Variants in LANCL3 observed in about 807,000 individuals in gnomAD.
The protein encoded by LANCL3 is lanC-like protein 3.
Under a neutral mutation model 26.5 loss-of-function variants are expected in LANCL3, and 19 were observed. The observed-to-expected ratio is 0.72, with a 90% CI of 0.50 to 1.05. LANCL3 has a LOEUF of 1.05. Ranked by LOEUF, LANCL3 falls within the 50% of genes least tolerant of loss-of-function variation. LANCL3 has a pLI of 0.00. For synonymous variants in LANCL3, 160 were observed against 166.6 expected (o/e 0.96, Z 0.30); for missense variants, 318 against 362.7 (o/e 0.88, Z 1.00).
chrX:37,662,334 A>G (rs1926442130), intron 3 of LANCL3, among the ~76,000 whole-genome samples: 1 of 112,691 alleles, frequency 8.9e-6, no homozygotes, highest in South Asian at 3.7e-4. Context: ...GCATTAGGTT[A>G]CATCATTGCT....
At chrX:37,669,095 A>T (rs191156142) in intron 4 of LANCL3, among the ~76,000 whole-genome samples, 17 of 112,341 alleles carry the variant, frequency 1.5e-4, no homozygotes, top group Non-Finnish European at 1.1e-4. Flanking sequence ...TTTATGTGTA[A>T]ATGTATGTTC....
At chrX:37,628,571 A>C (rs1257913710) in intron 1 of LANCL3, among the ~76,000 whole-genome samples, 2 of 99,676 alleles carry the variant, frequency 2.0e-5, no homozygotes, top group African/African-American at 7.3e-5. Flanking sequence ...AGCATTAGGT[A>C]TATCTCCTAA....
At chrX:37,670,364 T>G (rs1367293909) in intron 4 of LANCL3, among the ~76,000 whole-genome samples, 1 of 111,802 alleles carries the variant, frequency 8.9e-6, no homozygotes, top group Non-Finnish European at 1.9e-5. Context: ...GTTTTCAATC[T>G]TTTCTTTAAA....
intron 1 of LANCL3, among the ~76,000 whole-genome samples, chrX:37,588,496 A>T (rs1357482704): frequency 2.7e-5 from 3 of 111,798 alleles, no homozygotes; most frequent in Non-Finnish European, 1.9e-5. Context: ...TGCACACATC[A>T]CTAAACTCTT....
At chrX:37,616,782 A>T (rs1208861342) in intron 1 of LANCL3, among the ~76,000 whole-genome samples, 1 of 111,641 alleles carries the variant, frequency 9.0e-6, no homozygotes, top group Non-Finnish European at 1.9e-5. Context: ...AGTTTCTTAG[A>T]GTAGTGTTTT....
intron 3 of LANCL3, among the ~76,000 whole-genome samples, chrX:37,660,465 A>G (rs1470512168): frequency 8.9e-6 from 1 of 111,965 alleles, no homozygotes; most frequent in Non-Finnish European, 1.9e-5. Context: ...AGCAAACCCT[A>G]TCTTTTTCCC....
chrX:37,602,125 A>G (rs192078362), intron 1 of LANCL3, among the ~76,000 whole-genome samples: 131 of 111,921 alleles, frequency 1.2e-3, no homozygotes, highest in African/African-American at 4.1e-3. Flanking sequence ...GTATTTTGAC[A>G]TCCAAACTCC....
intron 1 of LANCL3, among the ~76,000 whole-genome samples, chrX:37,632,401 T>G (rs1416865907): frequency 2.7e-5 from 3 of 111,757 alleles, no homozygotes; most frequent in African/African-American, 6.5e-5. Context: ...TCTTGACTCT[T>G]TATCCAATTT....
At chrX:37,628,843 A>G (rs1254222508) in intron 1 of LANCL3, among the ~76,000 whole-genome samples, 1 of 109,894 alleles carries the variant, frequency 9.1e-6, no homozygotes, top group Admixed American at 9.7e-5. Context: ...AATCCAGTCT[A>G]TCATTGTTGG....
At chrX:37,578,368 C>A (rs1321399099) in intron 1 of LANCL3, among the ~76,000 whole-genome samples, 2 of 112,098 alleles carry the variant, frequency 1.8e-5, no homozygotes, top group Non-Finnish European at 3.8e-5. Flanking sequence ...TGGTTGGTTA[C>A]CAAAGCATCT....
intron 1 of LANCL3, among the ~76,000 whole-genome samples, chrX:37,626,986 G>C (rs1925331787): frequency 8.9e-6 from 1 of 111,785 alleles, no homozygotes; most frequent in South Asian, 3.8e-4. Flanking sequence ...CCTATTTAGA[G>C]GTGCTTGCTA....
chrX:37,635,953 C>A (rs904355536), intron 1 of LANCL3, among the ~76,000 whole-genome samples: 4 of 109,778 alleles, frequency 3.6e-5, no homozygotes. Context: ...GATCCTCACT[C>A]TTCTCCCTCC....
intron 3 of LANCL3, among the ~76,000 whole-genome samples, chrX:37,663,673 G>C (rs1159255006): frequency 7.2e-5 from 8 of 111,428 alleles, no homozygotes; most frequent in African/African-American, 2.6e-4. Context: ...TGAATTTAAG[G>C]CATGGCAGAC....
At chrX:37,602,313 T>A (rs1556420098) in intron 1 of LANCL3, among the ~76,000 whole-genome samples, 1 of 112,133 alleles carries the variant, frequency 8.9e-6, no homozygotes, top group African/African-American at 3.2e-5. Context: ...GCAGTCTTTT[T>A]AGAAAGTTCA....
Position 37,571,841 on chromosome X carries a change from AG to A in LANCL3, c.-29del, listed in dbSNP as rs1923581966. ...CAGGGCACGACTTCAAGCGGTCCTCAGCTCCGCACTAGGGGGCACGGGCAAC... is the reference window on the plus strand; with the variant it reads ...CAGGGCACGACTTCAAGCGGTCCTCACTCCGCACTAGGGGGCACGGGCAAC... On this transcript the variant is annotated 5_prime_UTR_variant, in exon 1 of 5. Transcript: ENST00000378619. 8.6e-7 allele frequency: 1 copy of A among 1,164,961 alleles called. No individual in the cohort carries two copies. Among genetic ancestry groups the A allele is most frequent in the Admixed American group, 2.3e-5 (1 of 42,872 alleles).
chrX:37,572,146 C>A lies in LANCL3; in HGVS notation c.276C>A (p.Tyr92Ter). 1.7e-6 allele frequency: 2 copies of A among 1,194,868 alleles called. No homozygotes were observed. Among genetic ancestry groups the A allele is most frequent in the Non-Finnish European group, 2.2e-6 (2 of 892,420 alleles). ...SPLFATARER[Y>*]LRSAKRLIDA... is the part of the protein sequence containing the mutation. ...TTTTCGCCACGGCCCGGGAACGCTA[C>A]CTGCGCTCGGCTAAGCGCCTCATCG... is the stretch of plus-strand genomic sequence containing the variant. Residue 92 changes from tyrosine to a stop codon, truncating the protein, a stop_gained, in exon 1 of 5, where the codon TAC (tyrosine) becomes TAA (stop). Transcript: ENST00000378619. LOFTEE classifies it high-confidence loss of function.
intron 3 of LANCL3, among the ~76,000 whole-genome samples, chrX:37,662,841 C>G (rs1358823948): frequency 2.1e-4 from 22 of 107,194 alleles, no homozygotes; most frequent in Non-Finnish European, 3.8e-4. Flanking sequence ...AATTAAGCAG[C>G]CTTATTGTGG....
In LANCL3 at chrX:37,667,270, A is replaced by G; in HGVS notation, c.896-12A>G. The G allele has an allele frequency of 9.4e-7, 1 of 1,069,301 alleles. No individual in the cohort carries two copies. The highest frequency in any genetic ancestry group is 1.2e-6 in the Non-Finnish European group (1 of 814,112). The allele number at this position is 1,069,301 out of a possible 1,213,427, so 88.1% of individuals were successfully genotyped here. A position where few individuals can be genotyped will look rare whatever the true frequency, so the allele number is the denominator to read the frequency against. ...CTGAAAGTCACCTCTAATATCTTTG[A>G]TGTTTTCACAGGAATTGCCTATCTG... On this transcript the variant is annotated splice_polypyrimidine_tract_variant and intron_variant, in intron 3 of 4. Coordinates refer to ENST00000378619, the MANE Select transcript of LANCL3 (RefSeq NM_001170331.2).
chrX:37,610,570 G>A (rs1370075101), intron 1 of LANCL3, among the ~76,000 whole-genome samples: 1 of 111,596 alleles, frequency 9.0e-6, no homozygotes, highest in Middle Eastern at 4.2e-3. Flanking sequence ...CTCTGTGCCC[G>A]TAGATAGAAT....
Sources: gnomAD v4.1 joint callset for allele counts (sites outside exome capture counted in the v4.1 genomes callset) on GRCh38, gnomAD v4.1.1 for gene constraint, MANE v1.5 for transcripts, NCBI Gene and HGNC (gene_info 2026-07-23, HGNC 2026-07-21) for gene names.